The following LRRC55 variants were observed in gnomAD, a reference collection of about 807,000 sequenced individuals.
LRRC55 encodes leucine-rich repeat-containing protein 55.
A neutral mutation model predicts 20.5 loss-of-function variants in LRRC55; 11 were observed. That is an observed-to-expected ratio of 0.54 (90% CI 0.34 to 0.89). LRRC55 has a LOEUF of 0.89. LRRC55 is among the 40% of genes least tolerant of loss of function. The pLI, the probability that LRRC55 is intolerant of heterozygous loss-of-function variation, is 0.02. For missense variants in LRRC55, 358 were observed against 390.9 expected (o/e 0.92, Z 0.71); for synonymous variants, 188 against 166.6 (o/e 1.13, Z -0.99).
chr11:57,190,604 G>A lies in LRRC55; in HGVS notation c.*3124G>A, dbSNP rs1049588221. 5.3e-5 allele frequency: 8 copies of A among 152,192 alleles called. No individual in the cohort carries two copies. In the South Asian group the frequency reaches 1.4e-3, roughly 28 times the overall value. 9.4% of individuals were successfully genotyped at this position (152,192 alleles called of 1,614,324 possible). ...TCTGCATCTGTATGTCTGTCTGCGA[G>A]GTTCCTTGTATATTGGCTGTCCGCT... On this transcript the variant is annotated 3_prime_UTR_variant, in exon 2 of 2. Transcript: ENST00000497933.
chr11:57,185,248 T>A (rs1318815704), intron 1 of LRRC55, among the ~76,000 whole-genome samples: 1 of 151,056 alleles, frequency 6.6e-6, no homozygotes, highest in East Asian at 1.9e-4. Context: ...GATTGGATTA[T>A]CCCCTTCTTT....
rs935996439 is a variant in LRRC55, at chr11:57,188,857, G to C, written c.*1377G>C. On this transcript the variant is annotated 3_prime_UTR_variant, in exon 2 of 2. Transcript: ENST00000497933. ...TTCTTTCAATTCTCACAGCAACACT[G>C]CCTGGTGGTTTTTATTATCCCCATT... 1 of 152,178 alleles carries C rather than the reference G, an allele frequency of 6.6e-6. No homozygotes were observed. 9.4% of individuals were successfully genotyped at this position (152,178 alleles called of 1,614,324 possible).
chr11:57,184,999 C>T (rs1854411917), intron 1 of LRRC55, among the ~76,000 whole-genome samples: 2 of 152,282 alleles, frequency 1.3e-5, no homozygotes, highest in South Asian at 4.2e-4. Context: ...GACGGGGGTC[C>T]TGTGCTCACA....
rs1011780822 is a variant in LRRC55 at position 57,188,357 on chromosome 11, T to C, written c.*877T>C. On this transcript the variant is annotated 3_prime_UTR_variant, in exon 2 of 2. Transcript: ENST00000497933. ...TTGCCACAGTGCTCATGCCACAGGG[T>C]CTCACCAGGAAAGTGCACTGTGGGC... 3 of 152,562 alleles carry C rather than the reference T, an allele frequency of 2.0e-5. No individual in the cohort carries two copies. Among genetic ancestry groups the C allele is most frequent in the African/African-American group, 7.2e-5 (3 of 41,404 alleles). 9.5% of individuals were successfully genotyped at this position (152,562 alleles called of 1,614,324 possible).
Position 57,187,511 on chromosome 11 carries a change from G to GTGGCGGTCAGCAGC in LRRC55, c.*31_*32insTGGCGGTCAGCAGC. ...CTGCCTCTCATCCCTCCATGCTGCT[G>GTGGCGGTCAGCAGC]ACCGCCACAGCTGCTGGCCACCAGA... On this transcript the variant is annotated 3_prime_UTR_variant, in exon 2 of 2. Transcript: ENST00000497933. The GTGGCGGTCAGCAGC allele has an allele frequency of 6.3e-7, 1 of 1,590,794 alleles. No individual in the cohort carries two copies. Among genetic ancestry groups the GTGGCGGTCAGCAGC allele is most frequent in the Non-Finnish European group, 8.6e-7 (1 of 1,165,652 alleles).
At chr11:57,183,508 G>T (rs890683697) in intron 1 of LRRC55, among the ~76,000 whole-genome samples, 2 of 152,202 alleles carry the variant, frequency 1.3e-5, no homozygotes, top group African/African-American at 4.8e-5. Flanking sequence ...GCTGCTAAGT[G>T]TTGAAGCCAG....
intron 1 of LRRC55, among the ~76,000 whole-genome samples, chr11:57,186,274 A>G (rs1854430117): frequency 6.6e-6 from 1 of 152,196 alleles, no homozygotes; most frequent in Non-Finnish European, 1.5e-5. Context: ...AGGCCCAGTG[A>G]TTTGGAGTTG....
Position 57,189,665 on chromosome 11 carries a change from T to C in LRRC55, c.*2185T>C, listed in dbSNP as rs1235901755. On this transcript the variant is annotated 3_prime_UTR_variant, in exon 2 of 2. Transcript: ENST00000497933. ...GCTATAGGTGAGAACCTCTGCAGTT[T>C]AGGAGAAGAACATCAAGGCACAGTC... 2 of 152,274 alleles carry C rather than the reference T, an allele frequency of 1.3e-5. No homozygotes were observed. Among genetic ancestry groups the C allele is most frequent in the Non-Finnish European group, 2.9e-5 (2 of 68,116 alleles). The allele number at this position is 152,274 out of a possible 1,614,324, so 9.4% of individuals were successfully genotyped here. A position where few individuals can be genotyped will look rare whatever the true frequency, so the allele number is the denominator to read the frequency against.
In LRRC55 at chr11:57,188,004, T is replaced by A. The variant is rs933712517; in HGVS notation, c.*524T>A. On this transcript the variant is annotated 3_prime_UTR_variant, in exon 2 of 2. Transcript: ENST00000497933. Reference sequence around the variant, plus strand: ...GTATAGAGGGGGTGTGGCACAGAACTCAAACCTACCCCTCACCTCCTGACA... The same window carrying A: ...GTATAGAGGGGGTGTGGCACAGAACACAAACCTACCCCTCACCTCCTGACA... 6.2e-6 allele frequency: 1 copy of A among 162,592 alleles called. No homozygotes were observed. The highest frequency in any genetic ancestry group is 1.3e-5 in the Non-Finnish European group (1 of 75,610). The allele number at this position is 162,592 out of a possible 1,614,324, so 10.1% of individuals were successfully genotyped here.
rs932153809 is a variant in LRRC55, at chr11:57,189,230, C to A, written c.*1750C>A. 1 of 152,150 alleles carries A rather than the reference C, an allele frequency of 6.6e-6. No homozygotes were observed. Among genetic ancestry groups the A allele is most frequent in the Non-Finnish European group, 1.5e-5 (1 of 68,030 alleles). The allele number at this position is 152,150 out of a possible 1,614,324, so 9.4% of individuals were successfully genotyped here. On this transcript the variant is annotated 3_prime_UTR_variant, in exon 2 of 2. Transcript: ENST00000497933. Reference sequence around the variant, plus strand: ...AAGTCTCAAGGTTGGATATGACTTGCTATGTGGCAAGGTTGGGGCTCAACC... The same window carrying A: ...AAGTCTCAAGGTTGGATATGACTTGATATGTGGCAAGGTTGGGGCTCAACC...
At chr11:57,182,966 C>A (rs947964760) in intron 1 of LRRC55, among the ~76,000 whole-genome samples, 8 of 152,096 alleles carry the variant, frequency 5.3e-5, no homozygotes, top group African/African-American at 1.9e-4. Flanking sequence ...TGAGAATAGC[C>A]TATGGTTGGT....
In LRRC55 at chr11:57,187,456, G is replaced by A. The variant is rs982773588; in HGVS notation, c.873G>A (p.Lys291=). ...CCAACTGCTGCCACCGCTGGAGCAA[G>A]GCCAGTGAAGAGGAAGAGATCTGAC... ...ITANCCHRWS[K]ASEEEEI The change falls in exon 2 of 2, where the codon AAG becomes AAA. Residue 291 remains lysine, a synonymous_variant. Transcript: ENST00000497933. 12 of 1,614,104 alleles carry A rather than the reference G, an allele frequency of 7.4e-6. No homozygotes were observed. Among genetic ancestry groups the A allele is most frequent in the Non-Finnish European group, 1.0e-5 (12 of 1,180,026 alleles).
chr11:57,185,001 G>C (rs959458796), intron 1 of LRRC55, among the ~76,000 whole-genome samples: 2 of 152,166 alleles, frequency 1.3e-5, no homozygotes, highest in South Asian at 2.1e-4. Context: ...CGGGGGTCCT[G>C]TGCTCACAGC....
chr11:57,182,589 G>C lies in LRRC55; in HGVS notation c.567G>C (p.Val189=), dbSNP rs765216402. ...LEALEGLPGL[V]TLQIGGNPWV... ...CTCTTGAGGGCCTACCGGGGCTGGT[G>C]ACCCTGCAGATCGGTGGCAATCCCT... The change falls in exon 1 of 2, where the codon GTG becomes GTC. Residue 189 remains valine (V), a synonymous_variant. Coordinates refer to ENST00000497933, the MANE Select transcript of LRRC55 (RefSeq NM_001005210.4). 3 of 1,535,236 alleles carry C rather than the reference G, an allele frequency of 2.0e-6. No homozygotes were observed. Among genetic ancestry groups the C allele is most frequent in the Non-Finnish European group, 8.8e-7 (1 of 1,142,034 alleles).
At position 57,191,621 on chromosome 11, in the gene LRRC55, C is replaced by T. The variant is rs1471848938; in HGVS notation, c.*4141C>T. The T allele has an allele frequency of 6.6e-6, 1 of 152,152 alleles. No homozygotes were observed. The highest frequency in any genetic ancestry group is 2.4e-5 in the African/African-American group (1 of 41,416). The allele number at this position is 152,152 out of a possible 1,614,324, so 9.4% of individuals were successfully genotyped here. On this transcript the variant is annotated 3_prime_UTR_variant, in exon 2 of 2. Coordinates refer to ENST00000497933, the MANE Select transcript of LRRC55 (RefSeq NM_001005210.4). ...GTGGGGTTAGAGGGAAGATGCCAAC[C>T]TTTGTATGGAGATGATTTTATAACC...
Position 57,187,463 on chromosome 11 carries a change from G to A in LRRC55, c.880G>A (p.Glu294Lys). 1.9e-6 allele frequency: 3 copies of A among 1,613,954 alleles called. No homozygotes were observed. The highest frequency in any genetic ancestry group is 1.1e-5 in the South Asian group (1 of 91,080). ...CTGCCACCGCTGGAGCAAGGCCAGT[G>A]AAGAGGAAGAGATCTGACATGCCTG... is the stretch of plus-strand genomic sequence containing the variant. Reference protein sequence around the residue: ...NCCHRWSKASEEEEI With the variant: ...NCCHRWSKASKEEEI The change falls in exon 2 of 2, where the codon GAA becomes AAA. Residue 294 changes from glutamate (E) to lysine (K), a missense_variant. By Grantham distance (56) the Glu-to-Lys change is moderately conservative. Around this residue, in one of 3 missense-constraint regions of LRRC55, gnomAD observed 178 missense variants for 207.9 expected, o/e 0.86. Coordinates refer to ENST00000497933, the MANE Select transcript of LRRC55 (RefSeq NM_001005210.4).
intron 1 of LRRC55, among the ~76,000 whole-genome samples, chr11:57,183,030 G>A (rs1854383894): frequency 6.6e-6 from 1 of 152,132 alleles, no homozygotes; most frequent in African/African-American, 2.4e-5. Context: ...ATTATCTCAT[G>A]AGACCCCCAT....
chr11:57,188,396 C>G lies in LRRC55; in HGVS notation c.*916C>G, dbSNP rs1854463653. The stretch of plus-strand genomic sequence containing the variant: ...TGCACTGTGGGCCACAGACCCACAG[C>G]CTGGCAGCACCCAGAGCTAAAAGGG... On this transcript the variant is annotated 3_prime_UTR_variant, in exon 2 of 2. Coordinates refer to ENST00000497933, the MANE Select transcript of LRRC55 (RefSeq NM_001005210.4). The G allele has an allele frequency of 6.5e-6, 1 of 152,704 alleles. No individual in the cohort carries two copies. Among genetic ancestry groups the G allele is most frequent in the Admixed American group, 6.5e-5 (1 of 15,280 alleles). 9.5% of individuals were successfully genotyped at this position (152,704 alleles called of 1,614,324 possible). A position where few individuals can be genotyped will look rare whatever the true frequency, so the allele number is the denominator to read the frequency against.
rs147605276 is a variant in LRRC55, at chr11:57,187,474, G to T, written c.891G>T (p.Glu297Asp). ...HRWSKASEEE[E>D]I ...GGAGCAAGGCCAGTGAAGAGGAAGA[G>T]ATCTGACATGCCTGCCTCTCATCCC... The change falls in exon 2 of 2, where the codon GAG (glutamate) becomes GAT (aspartate). Residue 297 changes from glutamate (E) to aspartate (D), a missense_variant. Glu to Asp is a conservative substitution (Grantham distance 45, BLOSUM62 2). Transcript: ENST00000497933. The T allele has an allele frequency of 1.2e-6, 2 of 1,613,364 alleles. No homozygotes were observed. Among genetic ancestry groups the T allele is most frequent in the African/African-American group, 1.3e-5 (1 of 74,920 alleles).
Sources: gnomAD v4.1 joint callset for allele counts (sites outside exome capture counted in the v4.1 genomes callset) on GRCh38, gnomAD v4.1.1 for gene constraint, gnomAD v4.1.1 regional missense constraint, MANE v1.5 for transcripts, NCBI Gene and HGNC (gene_info 2026-07-23, HGNC 2026-07-21) for gene names.